MAP4K5: variants seen among roughly 807,000 people sequenced by gnomAD.
MAP4K5 encodes the protein mitogen-activated protein kinase kinase kinase kinase 5, also known as MAPK/ERK kinase kinase kinase 5.
MAP4K5 carries 82 observed loss-of-function variants against 135.6 expected under a neutral mutation model. The observed-to-expected ratio is 0.60, with a 90% CI of 0.51 to 0.73. The LOEUF (loss-of-function observed/expected upper bound fraction) is 0.73, where lower values mean the gene tolerates loss of function less well. MAP4K5 is among the 30% of genes least tolerant of loss of function. MAP4K5 has a pLI of 0.00. For synonymous variants in MAP4K5, 347 were observed against 335.0 expected (o/e 1.04, Z -0.39); for missense variants, 907 against 1,010.9 (o/e 0.90, Z 1.39).
chr14:50,447,012 G>C (rs547129564), intron 16 of MAP4K5, among the ~76,000 whole-genome samples: 2 of 152,276 alleles, frequency 1.3e-5, no homozygotes, highest in East Asian at 3.9e-4. Flanking sequence ...GGGAACCTAG[G>C]AATCTGCATT....
intron 3 of MAP4K5, among the ~76,000 whole-genome samples, chr14:50,491,251 A>G (rs1180486191): frequency 6.6e-6 from 1 of 152,054 alleles, no homozygotes; most frequent in African/African-American, 2.4e-5. Context: ...TTTAATACTG[A>G]GGTAATTAAT....
intron 13 of MAP4K5, among the ~76,000 whole-genome samples, chr14:50,459,699 C>CTTTT (rs58066955): frequency 1.4e-5 from 2 of 144,102 alleles, no homozygotes; most frequent in Admixed American, 7.0e-5. Context: ...CTTTCTTTCT[C>CTTTT]TTTTTTTTTT....
At chr14:50,512,222 T>C (rs1008266882) in intron 2 of MAP4K5, among the ~76,000 whole-genome samples, 5 of 152,162 alleles carry the variant, frequency 3.3e-5, no homozygotes, top group Non-Finnish European at 7.4e-5. Flanking sequence ...AAATTGTCTA[T>C]TAATTTAAAG....
chr14:50,526,953 A>G (rs899802463), intron 2 of MAP4K5, among the ~76,000 whole-genome samples: 1 of 152,130 alleles, frequency 6.6e-6, no homozygotes, highest in African/African-American at 2.4e-5. Flanking sequence ...AACATCATTT[A>G]TAATTGCAAA....
chr14:50,456,405 A>G (rs1595460288), intron 14 of MAP4K5, 111 bp downstream of exon 14: 1 of 767,342 alleles, frequency 1.3e-6, no homozygotes, highest in Non-Finnish European at 2.2e-6. Flanking sequence ...GTATTCTGAT[A>G]TGTTGAAGTA....
At chr14:50,429,917 TAAAAC>T (rs2035932628) in intron 28 of MAP4K5, among the ~76,000 whole-genome samples, 1 of 152,194 alleles carries the variant, frequency 6.6e-6, no homozygotes, top group Admixed American at 6.5e-5. Flanking sequence ...ATTTTTTTGA[TAAAAC>T]AATGCATTTT....
At chr14:50,548,283 A>G (rs1386977416) in intron 1 of MAP4K5, among the ~76,000 whole-genome samples, 1 of 152,180 alleles carries the variant, frequency 6.6e-6, no homozygotes, top group Non-Finnish European at 1.5e-5. Flanking sequence ...ACAAACCCTC[A>G]GCCCATTGTA....
intron 2 of MAP4K5, among the ~76,000 whole-genome samples, chr14:50,513,165 A>G (rs906086247): frequency 6.6e-6 from 1 of 152,196 alleles, no homozygotes; most frequent in Non-Finnish European, 1.5e-5. Flanking sequence ...AAAATCCACA[A>G]TAGAATCATT....
intron 2 of MAP4K5, among the ~76,000 whole-genome samples, chr14:50,528,144 T>C (rs2038307508): frequency 6.6e-6 from 1 of 152,114 alleles, no homozygotes; most frequent in African/African-American, 2.4e-5. Flanking sequence ...TTTTCTCTTC[T>C]GTGTTTCTTT....
chr14:50,454,338 T>G (rs890164123), intron 14 of MAP4K5, among the ~76,000 whole-genome samples: 2 of 152,196 alleles, frequency 1.3e-5, no homozygotes, highest in Non-Finnish European at 2.9e-5. Context: ...ATTCTGATCA[T>G]GTTCTAACTC....
chr14:50,436,540 C>G (rs895777473), intron 26 of MAP4K5, among the ~76,000 whole-genome samples: 1 of 149,478 alleles, frequency 6.7e-6, no homozygotes, highest in Non-Finnish European at 1.5e-5. Flanking sequence ...GCAAGGTGGT[C>G]AATCAATCAT....
At chr14:50,454,312 G>A (rs898893695) in intron 14 of MAP4K5, among the ~76,000 whole-genome samples, 1 of 152,166 alleles carries the variant, frequency 6.6e-6, no homozygotes, top group African/African-American at 2.4e-5. Context: ...AGGCTCTCGT[G>A]AGGGAACCTT....
chr14:50,528,403 A>T (rs2038313403), intron 2 of MAP4K5, among the ~76,000 whole-genome samples: 1 of 8,982 alleles, frequency 1.1e-4, no homozygotes, highest in Admixed American at 9.2e-4. Context: ...CCTAAGGTGT[A>T]AAAAAAAAAA....
intron 30 of MAP4K5, among the ~76,000 whole-genome samples, chr14:50,428,347 G>A (rs747667564): frequency 2.0e-5 from 3 of 151,672 alleles, no homozygotes; most frequent in Admixed American, 6.6e-5. Context: ...CCTCCGCCTC[G>A]CGGGTTCAAG....
chr14:50,496,134 G>A (rs2037586185), intron 3 of MAP4K5, among the ~76,000 whole-genome samples: 2 of 152,052 alleles, frequency 1.3e-5, no homozygotes, highest in Admixed American at 6.6e-5. Flanking sequence ...AGACCAGCCT[G>A]GCCAACATGG....
intron 30 of MAP4K5, among the ~76,000 whole-genome samples, 181 bp downstream of exon 30, chr14:50,428,481 C>T (rs2035897502): frequency 6.6e-6 from 1 of 152,196 alleles, no homozygotes; most frequent in African/African-American, 2.4e-5. Context: ...TGGTCTTGAA[C>T]TCCTGACCTT....
intron 3 of MAP4K5, among the ~76,000 whole-genome samples, chr14:50,499,535 G>A (rs2037663228): frequency 6.6e-6 from 1 of 151,982 alleles, no homozygotes; most frequent in East Asian, 1.9e-4. Context: ...GCACATGCCT[G>A]TAATTCCAGC....
chr14:50,522,826 A>C (rs1343549346), intron 2 of MAP4K5, among the ~76,000 whole-genome samples: 1 of 152,214 alleles, frequency 6.6e-6, no homozygotes, highest in Non-Finnish European at 1.5e-5. Context: ...TCAGAGAAAT[A>C]ACATCACATA....
intron 28 of MAP4K5, among the ~76,000 whole-genome samples, chr14:50,431,957 T>G (rs989393988): frequency 3.3e-5 from 5 of 152,168 alleles, no homozygotes; most frequent in Non-Finnish European, 7.4e-5. Flanking sequence ...AACACAGAAT[T>G]TTATATAATA....
Sources: gnomAD v4.1 joint callset for allele counts (sites outside exome capture counted in the v4.1 genomes callset) on GRCh38, gnomAD v4.1.1 for gene constraint, MANE v1.5 for transcripts, NCBI Gene and HGNC (gene_info 2026-07-23, HGNC 2026-07-21) for gene names.